The following ELAVL4 variants were observed in gnomAD, a reference collection of about 807,000 sequenced individuals.
The protein encoded by ELAVL4 is ELAV-like protein 4.
In ELAVL4, 1 loss-of-function variant was observed where a neutral mutation model predicts 35.6. That is an observed-to-expected ratio of 0.03 (90% CI 0.01 to 0.13). The LOEUF (loss-of-function observed/expected upper bound fraction) is 0.13, where lower values mean the gene tolerates loss of function less well. ELAVL4 is among the 10% of genes least tolerant of loss of function. The pLI is 1.00. For missense variants in ELAVL4, 267 were observed against 464.9 expected (o/e 0.57, Z 3.91); for synonymous variants, 156 against 171.0 (o/e 0.91, Z 0.69).
At chr1:50,127,629 T>A (rs1670167892) in intron 1 of ELAVL4, among the ~76,000 whole-genome samples, 1 of 152,150 alleles carries the variant, frequency 6.6e-6, no homozygotes, top group Admixed American at 6.5e-5. Context: ...GGAACTCAGT[T>A]ATCCAACAGT....
At chr1:50,175,718 C>A (rs1012181714) in intron 2 of ELAVL4, 1 of 152,184 alleles carries the variant, frequency 6.6e-6, no homozygotes, top group African/African-American at 2.4e-5. Flanking sequence ...ATCCAGAACC[C>A]AACTTGTTTT....
intron 1 of ELAVL4, among the ~76,000 whole-genome samples, chr1:50,127,302 C>G (rs1211488609): frequency 6.6e-6 from 1 of 152,000 alleles, no homozygotes; most frequent in East Asian, 1.9e-4. Flanking sequence ...TCAAGGCATT[C>G]CCTGTCAGTG....
At chr1:50,116,220 G>C (rs555209350) in intron 1 of ELAVL4, among the ~76,000 whole-genome samples, 96 of 152,098 alleles carry the variant, frequency 6.3e-4, no homozygotes, top group Non-Finnish European at 1.2e-3. Flanking sequence ...TAATTTTACA[G>C]AAACACGAAT....
intron 2 of ELAVL4, among the ~76,000 whole-genome samples, chr1:50,163,595 G>A (rs766449622): frequency 1.3e-5 from 2 of 152,184 alleles, no homozygotes; most frequent in African/African-American, 2.4e-5. Context: ...GGGAGGTCGA[G>A]GCGGCAGATC....
intron 1 of ELAVL4, among the ~76,000 whole-genome samples, chr1:50,128,734 G>A (rs959515020): frequency 6.6e-6 from 1 of 152,034 alleles, no homozygotes; most frequent in Non-Finnish European, 1.5e-5. Flanking sequence ...TGTGGCACAG[G>A]AGAGAACACA....
chr1:50,061,535 T>C (rs1663971399), intron 1 of ELAVL4, among the ~76,000 whole-genome samples: 1 of 152,216 alleles, frequency 6.6e-6, no homozygotes, highest in African/African-American at 2.4e-5. Flanking sequence ...GTTTAATCCA[T>C]AGTAACTAAT....
rs373866845 is a variant in ELAVL4 at position 50,134,972 on chromosome 1, A to G, written c.10-9985A>G. ...GGAAATGGGTGTGATGTGTCTGGGG[A>G]AGAAGATTAAAACTTGGATTTCCGT... On this transcript the variant is annotated intron_variant, in intron 1 of 6. Coordinates refer to ENST00000371824, the MANE Select transcript of ELAVL4 (RefSeq NM_001144774.3). 5.9e-4 allele frequency among the ~76,000 whole-genome samples: 90 copies of G among 152,240 alleles called. 1 individual carries two copies. The South Asian group carries it at 8.5e-3, about 14-fold the overall frequency.
At chr1:50,131,320 A>T (rs1053430470) in intron 1 of ELAVL4, among the ~76,000 whole-genome samples, 7 of 152,220 alleles carry the variant, frequency 4.6e-5, no homozygotes, top group Admixed American at 1.3e-4. Flanking sequence ...TTTGATTTTT[A>T]AAAATGCCAA....
intron 2 of ELAVL4, among the ~76,000 whole-genome samples, chr1:50,156,355 A>T (rs1675749467): frequency 1.3e-5 from 2 of 152,192 alleles, no homozygotes; most frequent in South Asian, 4.1e-4. Context: ...ATACATGCGA[A>T]GGCACTTTGT....
At chr1:50,157,610 A>T (rs1447345380) in intron 2 of ELAVL4, among the ~76,000 whole-genome samples, 1 of 152,214 alleles carries the variant, frequency 6.6e-6, no homozygotes, top group East Asian at 1.9e-4. Context: ...TAGATTTTGG[A>T]TTCCGGTCTA....
intron 1 of ELAVL4, among the ~76,000 whole-genome samples, chr1:50,057,363 A>T (rs981231149): frequency 2.6e-5 from 4 of 152,212 alleles, no homozygotes; most frequent in Non-Finnish European, 4.4e-5. Context: ...TTAATTTATT[A>T]TTAAAAGAAA....
At chr1:50,160,275 AAAG>A (rs1676558238) in intron 2 of ELAVL4, among the ~76,000 whole-genome samples, 1 of 152,180 alleles carries the variant, frequency 6.6e-6, no homozygotes, top group African/African-American at 2.4e-5. Context: ...TTAGAAAATC[AAAG>A]AAGATGACGT....
chr1:50,148,589 G>C (rs1210964481), intron 2 of ELAVL4, among the ~76,000 whole-genome samples: 4 of 152,098 alleles, frequency 2.6e-5, no homozygotes, highest in Non-Finnish European at 4.4e-5. Flanking sequence ...AATAATCCAG[G>C]TACCAGGGAG....
chr1:50,116,152 A>T (rs925990688), intron 1 of ELAVL4, among the ~76,000 whole-genome samples: 6 of 152,088 alleles, frequency 3.9e-5, no homozygotes, highest in African/African-American at 1.4e-4. Context: ...AGAAGTTTGG[A>T]CTGTTGAAAG....
chr1:50,179,487 G>A (rs1459009633), intron 3 of ELAVL4: 1 of 152,110 alleles, frequency 6.6e-6, no homozygotes, highest in Non-Finnish European at 1.5e-5. Flanking sequence ...CCTTTTGTAT[G>A]CTGTTTAATA....
chr1:50,086,067 T>C (rs778350189), intron 1 of ELAVL4, among the ~76,000 whole-genome samples: 34 of 152,180 alleles, frequency 2.2e-4, no homozygotes, highest in Non-Finnish European at 4.3e-4. Context: ...GTAAAAGCAG[T>C]GATCTTTTTT....
upstream of ELAVL4, among the ~76,000 whole-genome samples, chr1:50,101,939 T>C (rs927367070): frequency 6.6e-6 from 1 of 152,222 alleles, no homozygotes; most frequent in African/African-American, 2.4e-5. Context: ...ATACAGTGTT[T>C]GGTATACAGT....
intron 1 of ELAVL4, chr1:50,048,204 C>T: frequency 1.3e-6 from 2 of 1,508,718 alleles, no homozygotes; most frequent in Non-Finnish European, 1.8e-6. Flanking sequence ...TCGGCGCAGG[C>T]CCCGCACCCC....
chr1:50,055,597 C>T (rs1333634430), intron 1 of ELAVL4, among the ~76,000 whole-genome samples: 4 of 151,960 alleles, frequency 2.6e-5, no homozygotes, highest in Admixed American at 2.0e-4. Context: ...CCATGCCCAA[C>T]AATCAATTTT....
Sources: allele counts gnomAD v4.1 joint callset (sites outside exome capture counted in the v4.1 genomes callset), GRCh38; gene constraint gnomAD v4.1.1; transcripts MANE v1.5; gene names NCBI Gene and HGNC (gene_info 2026-07-23, HGNC 2026-07-21).